Variants in RBFOX1 observed in about 807,000 individuals in gnomAD.
The protein encoded by RBFOX1 is RNA binding protein fox-1 homolog 1.
Under a neutral mutation model 57.7 loss-of-function variants are expected in RBFOX1, and 8 were observed. The ratio of observed to expected loss-of-function variants is 0.14; its 90% CI spans 0.08 to 0.25. The LOEUF (loss-of-function observed/expected upper bound fraction) is 0.25. Among genes scored for constraint, RBFOX1 ranks in the 10% least tolerant of loss-of-function variants. The pLI, the probability that RBFOX1 is intolerant of heterozygous loss-of-function variation, is 1.00. For missense variants in RBFOX1, 611 were observed against 548.5 expected, an observed-to-expected ratio of 1.11 and a Z score of -1.14; for synonymous variants, 326 against 222.4, an observed-to-expected ratio of 1.47 and a Z score of -4.15.
chr16:5,382,522 A>G (rs1400529982), intron 1 of RBFOX1, among the ~76,000 whole-genome samples: 2 of 152,072 alleles, frequency 1.3e-5, no homozygotes, highest in Non-Finnish European at 1.5e-5. Context: ...CCATTTCTGT[A>G]GCGTTCTGAT....
At chr16:7,195,235 G>C (rs372798181) in intron 4 of RBFOX1, among the ~76,000 whole-genome samples, 5 of 152,076 alleles carry the variant, frequency 3.3e-5, no homozygotes, top group African/African-American at 1.2e-4. Context: ...CCTTATATTT[G>C]GTGATAATGT....
At chr16:6,748,132 T>C (rs1357282737) in intron 3 of RBFOX1, among the ~76,000 whole-genome samples, 1 of 152,174 alleles carries the variant, frequency 6.6e-6, no homozygotes, top group Non-Finnish European at 1.5e-5. Context: ...TTTTTTTTCC[T>C]AGCGTTATTT....
chr16:7,229,353 A>G (rs1237008486), intron 4 of RBFOX1, among the ~76,000 whole-genome samples: 6 of 152,206 alleles, frequency 3.9e-5, no homozygotes, highest in African/African-American at 7.2e-5. Context: ...CTTTCCTTAC[A>G]TTAACCTTAA....
intron 4 of RBFOX1, among the ~76,000 whole-genome samples, chr16:5,989,367 A>C (rs1285676006): frequency 6.6e-6 from 1 of 152,012 alleles, no homozygotes; most frequent in Non-Finnish European, 1.5e-5. Context: ...AAACCCCAAA[A>C]AACTTAATTA....
intron 5 of RBFOX1, among the ~76,000 whole-genome samples, chr16:7,536,757 G>A (rs2081572929): frequency 1.3e-5 from 2 of 152,192 alleles, no homozygotes; most frequent in Non-Finnish European, 2.9e-5. Context: ...CTTTCCAACA[G>A]GACAGGGATG....
intron 3 of RBFOX1, among the ~76,000 whole-genome samples, chr16:7,041,982 G>A (rs116246481): frequency 6.6e-6 from 1 of 152,160 alleles, no homozygotes; most frequent in Non-Finnish European, 1.5e-5. Context: ...TTACTTAGGA[G>A]ATGTTCAAGG....
intron 4 of RBFOX1, among the ~76,000 whole-genome samples, chr16:5,903,650 A>T (rs755674753): frequency 6.6e-6 from 1 of 152,120 alleles, no homozygotes; most frequent in Non-Finnish European, 1.5e-5. Flanking sequence ...AAAAAAGTCT[A>T]TGTGTTTGGG....
At chr16:5,640,535 C>A (rs193221394) in intron 3 of RBFOX1, among the ~76,000 whole-genome samples, 1 of 150,642 alleles carries the variant, frequency 6.6e-6, no homozygotes, top group Non-Finnish European at 1.5e-5. Context: ...TGCACATACA[C>A]ACATGCACAT....
chr16:7,352,274 G>C (rs2097142359), intron 4 of RBFOX1, among the ~76,000 whole-genome samples: 1 of 152,122 alleles, frequency 6.6e-6, no homozygotes, highest in African/African-American at 2.4e-5. Flanking sequence ...CTAAATCTTT[G>C]CACGTGTCTT....
rs189294249 is a variant in RBFOX1 at position 6,471,561 on chromosome 16, T to A, written c.-64+154504T>A. ...TGTGACATTCTCAGGTAGGAAGATA[T>A]CTTTATGCTTATAATTGGAAAAAAA... is the stretch of plus-strand genomic sequence containing the variant. On this transcript the variant is annotated intron_variant, in intron 2 of 15. Transcript: ENST00000550418. Among the ~76,000 whole-genome samples, 886 of 145,508 alleles carry A rather than the reference T, an allele frequency of 6.1e-3. 7 individuals are homozygous for A. The highest frequency in any genetic ancestry group is 0.02 in the African/African-American group (796 of 40,238).
At chr16:6,321,558 A>G (rs544446977) in intron 2 of RBFOX1, among the ~76,000 whole-genome samples, 54 of 152,230 alleles carry the variant, frequency 3.5e-4, no homozygotes, top group Non-Finnish European at 5.7e-4. Context: ...ATCTATTCTA[A>G]CTGGTTGGTG....
chr16:6,915,550 C>CTTTTTTTTTTTTT (rs141753685), intron 3 of RBFOX1, among the ~76,000 whole-genome samples: 1 of 123,530 alleles, frequency 8.1e-6, no homozygotes, highest in Non-Finnish European at 1.7e-5. Flanking sequence ...CCACACCCCC[C>CTTTTTTTTTTTTT]TTTTTTTTTT....
chr16:5,977,730 A>G (rs921394541), intron 4 of RBFOX1, among the ~76,000 whole-genome samples: 14 of 152,102 alleles, frequency 9.2e-5, no homozygotes, highest in African/African-American at 3.1e-4. Flanking sequence ...GCTCCAATCC[A>G]AAGATACAGA....
chr16:5,748,209 T>C (rs2053060414), intron 3 of RBFOX1, among the ~76,000 whole-genome samples: 1 of 152,122 alleles, frequency 6.6e-6, no homozygotes, highest in South Asian at 2.1e-4. Context: ...TAATCCTGAG[T>C]TCTAGTTTGA....
intron 1 of RBFOX1, among the ~76,000 whole-genome samples, chr16:6,100,282 C>A (rs1225603915): frequency 6.6e-6 from 1 of 152,114 alleles, no homozygotes; most frequent in Non-Finnish European, 1.5e-5. Context: ...CCTGCCTCAG[C>A]CTCCCGAGGA....
At chr16:6,942,500 G>A (rs534828808) in intron 3 of RBFOX1, among the ~76,000 whole-genome samples, 136 of 152,066 alleles carry the variant, frequency 8.9e-4, no homozygotes, top group Non-Finnish European at 1.3e-3. Flanking sequence ...CCATCTCCTG[G>A]GAGATGAAGC....
chr16:6,920,525 A>C (rs1274195746), intron 3 of RBFOX1, among the ~76,000 whole-genome samples: 1 of 152,216 alleles, frequency 6.6e-6, no homozygotes, highest in Non-Finnish European at 1.5e-5. Context: ...GGGCTACCAT[A>C]ACAAATGACC....
intron 14 of RBFOX1, among the ~76,000 whole-genome samples, chr16:7,706,564 C>T (rs10083797): frequency 0.026 from 3,888 of 152,234 alleles, 150 homozygotes; most frequent in African/African-American, 0.082. Context: ...ACAGTAAAAC[C>T]ATTTCCCCAA....
At chr16:5,311,234 A>G (rs550855731) in intron 1 of RBFOX1, among the ~76,000 whole-genome samples, 1 of 152,300 alleles carries the variant, frequency 6.6e-6, no homozygotes, top group East Asian at 1.9e-4. Context: ...ATACATACAT[A>G]TCACATATAT....
Sources: allele counts gnomAD v4.1 joint callset (sites outside exome capture counted in the v4.1 genomes callset), GRCh38; gene constraint gnomAD v4.1.1; transcripts MANE v1.5; gene names NCBI Gene and HGNC (gene_info 2026-07-23, HGNC 2026-07-21).